SORCS1: variants seen among roughly 807,000 people sequenced by gnomAD.
The protein encoded by SORCS1 is sortilin related VPS10 domain containing receptor 1.
SORCS1 carries 60 observed loss-of-function variants against 146.1 expected under a neutral mutation model. That is an observed-to-expected ratio of 0.41 (90% CI 0.33 to 0.51). The LOEUF is 0.51. Ranked by LOEUF, SORCS1 falls within the 20% of genes least tolerant of loss-of-function variation. The pLI, the probability that SORCS1 is intolerant of heterozygous loss-of-function variation, is 0.21. For synonymous variants in SORCS1, 637 were observed against 584.0 expected (o/e 1.09, Z -1.31); for missense variants, 1,352 against 1,487.6 (o/e 0.91, Z 1.50).
At chr10:106,982,911 CT>C (rs1352959108) in intron 1 of SORCS1, among the ~76,000 whole-genome samples, 2 of 151,916 alleles carry the variant, frequency 1.3e-5, no homozygotes, top group Non-Finnish European at 2.9e-5. Context: ...CTATTGAGAG[CT>C]TTTTGATACC....
chr10:107,157,796 G>C (rs1054637759), intron 1 of SORCS1, among the ~76,000 whole-genome samples: 12 of 152,120 alleles, frequency 7.9e-5, no homozygotes, highest in Non-Finnish European at 1.3e-4. Flanking sequence ...TGAGCTCCTT[G>C]ACAGGAACCA....
chr10:106,652,073 T>C (rs1849906640), intron 18 of SORCS1, among the ~76,000 whole-genome samples: 1 of 152,208 alleles, frequency 6.6e-6, no homozygotes, highest in Non-Finnish European at 1.5e-5. Flanking sequence ...GAATGTTATT[T>C]ATGTATTCTG....
At chr10:107,006,712 G>T (rs1379665523) in intron 1 of SORCS1, among the ~76,000 whole-genome samples, 1 of 152,312 alleles carries the variant, frequency 6.6e-6, no homozygotes, top group South Asian at 2.1e-4. Context: ...AGCTACTCAG[G>T]AGGCTGAGGC....
chr10:106,845,414 CT>C (rs1346622360), intron 2 of SORCS1, among the ~76,000 whole-genome samples: 6 of 73,994 alleles, frequency 8.1e-5, no homozygotes, highest in Non-Finnish European at 1.4e-4. Context: ...CCCTCGCCCA[CT>C]TTTTGATGGG....
intron 18 of SORCS1, among the ~76,000 whole-genome samples, chr10:106,637,980 G>A (rs965862571): frequency 6.6e-6 from 1 of 152,142 alleles, no homozygotes; most frequent in African/African-American, 2.4e-5. Flanking sequence ...TAAGACAGGA[G>A]GAATACTTAG....
Position 106,601,110 on chromosome 10 carries a change from G to A in SORCS1, c.3166-3660C>T, listed in dbSNP as rs376246772. ...GGAGAGTCTTCGGCTATAGAAAGGA[G>A]TAGAATAAACTGCATTCTACTGGAA... On this transcript the variant is annotated intron_variant, in intron 23 of 25. Coordinates refer to ENST00000263054, the MANE Select transcript of SORCS1 (RefSeq NM_052918.5). Among the ~76,000 whole-genome samples, 6 of 152,276 alleles carry A rather than the reference G, an allele frequency of 3.9e-5. No individual in the cohort carries two copies. In the East Asian group the frequency reaches 9.6e-4, roughly 24 times the overall value.
chr10:106,577,638 T>G, intron 25 of SORCS1, 83 bp from the exon 26 acceptor site: 1 of 1,576,956 alleles, frequency 6.3e-7, no homozygotes, highest in Non-Finnish European at 8.6e-7. Flanking sequence ...TGCTGCGATA[T>G]CTTCCTGGAG....
chr10:106,674,126 C>T (rs1393326695), intron 14 of SORCS1, among the ~76,000 whole-genome samples: 2 of 143,972 alleles, frequency 1.4e-5, no homozygotes, highest in Non-Finnish European at 3.0e-5. Flanking sequence ...ACCATCCTGG[C>T]TAACGTGGTG....
chr10:106,911,448 A>C (rs1273521892), intron 2 of SORCS1, among the ~76,000 whole-genome samples: 1 of 151,888 alleles, frequency 6.6e-6, no homozygotes, highest in Non-Finnish European at 1.5e-5. Flanking sequence ...CTCCTCTTAA[A>C]TTTCATATTT....
At chr10:107,093,693 A>AAG (rs397821696) in intron 1 of SORCS1, among the ~76,000 whole-genome samples, 1 of 150,948 alleles carries the variant, frequency 6.6e-6, no homozygotes, top group Non-Finnish European at 1.5e-5. Context: ...AAAAAAAAAA[A>AAG]CTGAGTCTTT....
intron 1 of SORCS1, among the ~76,000 whole-genome samples, chr10:106,984,394 A>ATTTTTT (rs34494927): frequency 6.7e-5 from 9 of 134,068 alleles, no homozygotes; most frequent in Admixed American, 1.5e-4. Flanking sequence ...AGTGATTTCC[A>ATTTTTT]TTTTTTTTTT....
intron 1 of SORCS1, among the ~76,000 whole-genome samples, chr10:107,086,661 T>C (rs1048173011): frequency 6.6e-6 from 1 of 152,206 alleles, no homozygotes; most frequent in Non-Finnish European, 1.5e-5. Flanking sequence ...AGCCATTAGT[T>C]GTATTAAGTG....
chr10:107,016,676 A>G (rs1303974053), intron 1 of SORCS1, among the ~76,000 whole-genome samples: 3 of 152,218 alleles, frequency 2.0e-5, no homozygotes, highest in East Asian at 1.9e-4. Context: ...AACATGGTAA[A>G]TTGACTATTT....
At chr10:106,884,834 A>T (rs984577315) in intron 2 of SORCS1, among the ~76,000 whole-genome samples, 3 of 152,224 alleles carry the variant, frequency 2.0e-5, no homozygotes, top group Admixed American at 6.5e-5. Flanking sequence ...CATAGTGGCA[A>T]TGAAAAAACA....
intron 18 of SORCS1, among the ~76,000 whole-genome samples, chr10:106,633,261 A>T (rs1848540526): frequency 6.6e-6 from 1 of 152,212 alleles, no homozygotes; most frequent in Non-Finnish European, 1.5e-5. Flanking sequence ...TAGTGATAAA[A>T]TCAGGGTAAC....
Position 106,671,377 on chromosome 10 carries a change from G to T in SORCS1, c.2059-10C>A, listed in dbSNP as rs776540443. On this transcript the variant is annotated splice_polypyrimidine_tract_variant and intron_variant, in intron 15 of 25. Coordinates refer to ENST00000263054, the MANE Select transcript of SORCS1 (RefSeq NM_052918.5). Reference sequence around the variant, plus strand: ...TGATACATGCTTCCCCCTGTAAGCAGAGAAGGATCACAGATACTTGGGCAC... The same window carrying T: ...TGATACATGCTTCCCCCTGTAAGCATAGAAGGATCACAGATACTTGGGCAC... 8 of 1,613,828 alleles carry T rather than the reference G, an allele frequency of 5.0e-6. No homozygotes were observed. Among genetic ancestry groups the T allele is most frequent in the African/African-American group, 1.3e-5 (1 of 74,938 alleles).
At chr10:106,699,651 C>A (rs953379217) in intron 8 of SORCS1, among the ~76,000 whole-genome samples, 1 of 152,164 alleles carries the variant, frequency 6.6e-6, no homozygotes, top group African/African-American at 2.4e-5. Flanking sequence ...TGCCTCATTA[C>A]ATAATTCGAA....
intron 1 of SORCS1, among the ~76,000 whole-genome samples, chr10:107,139,501 G>C (rs1967614688): frequency 1.3e-5 from 2 of 152,166 alleles, no homozygotes; most frequent in South Asian, 4.1e-4. Context: ...GGGGATGCCA[G>C]AGAGATTGGG....
At chr10:107,110,703 ATTGTGAC>A (rs59174099) in intron 1 of SORCS1, among the ~76,000 whole-genome samples, 1,837 of 150,938 alleles carry the variant, frequency 0.012, 32 homozygotes, top group African/African-American at 0.042. Flanking sequence ...AAACTATATC[ATTGTGAC>A]TTGGTTTTAG....
Sources: allele counts gnomAD v4.1 joint callset (sites outside exome capture counted in the v4.1 genomes callset), GRCh38; gene constraint gnomAD v4.1.1; transcripts MANE v1.5; gene names NCBI Gene and HGNC (gene_info 2026-07-23, HGNC 2026-07-21).